OCA2: variants seen among roughly 807,000 people sequenced by gnomAD.
OCA2 encodes P protein.
Under a neutral mutation model 100.2 loss-of-function variants are expected in OCA2, and 77 were observed. The ratio of observed to expected loss-of-function variants is 0.77; its 90% CI spans 0.64 to 0.93. The LOEUF is 0.93. Ranked by LOEUF, OCA2 falls within the 40% of genes least tolerant of loss-of-function variation. The pLI is 0.00. For synonymous variants in OCA2, 432 were observed against 439.2 expected, an observed-to-expected ratio of 0.98 and a Z score of 0.21; for missense variants, 1,062 against 1,089.1, an observed-to-expected ratio of 0.98 and a Z score of 0.35.
At chr15:27,944,792 C>T (rs1365535873) in intron 18 of OCA2, among the ~76,000 whole-genome samples, 1 of 152,170 alleles carries the variant, frequency 6.6e-6, no homozygotes, top group East Asian at 1.9e-4. Flanking sequence ...ATCAGAGAGG[C>T]AGATTTCAGT....
intron 9 of OCA2, among the ~76,000 whole-genome samples, chr15:27,997,082 G>A (rs373096494): frequency 4.8e-5 from 6 of 124,372 alleles, no homozygotes; most frequent in Non-Finnish European, 8.1e-5. Context: ...GGGAGAAAGA[G>A]AGAGAAAGAA....
chr15:27,909,380 T>G lies in OCA2; in HGVS notation c.2079+16747A>C, dbSNP rs558334184. On this transcript the variant is annotated intron_variant, in intron 19 of 23. Coordinates refer to ENST00000354638, the MANE Select transcript of OCA2 (RefSeq NM_000275.3). The stretch of plus-strand genomic sequence containing the variant: ...TTGATCAAAAATGTCAGCAAGCTAT[T>G]TCATAATTGAGTTAGACAAGTTGAT... Among the ~76,000 whole-genome samples the G allele has an allele frequency of 3.3e-5, 5 of 152,276 alleles. No individual in the cohort carries two copies. The East Asian group carries it at 9.7e-4, about 29-fold the overall frequency.
intron 23 of OCA2, among the ~76,000 whole-genome samples, chr15:27,841,404 T>C (rs2035337169): frequency 6.6e-6 from 1 of 152,216 alleles, no homozygotes; most frequent in African/African-American, 2.4e-5. Flanking sequence ...CTGGCTATGA[T>C]CTTCTACTAT....
chr15:28,020,540 G>C (rs1033825158), intron 6 of OCA2, among the ~76,000 whole-genome samples: 1 of 152,140 alleles, frequency 6.6e-6, no homozygotes, highest in African/African-American at 2.4e-5. Flanking sequence ...GGCATGTCCT[G>C]GGAACTTCAT....
At chr15:27,902,580 C>T (rs2037994803) in intron 19 of OCA2, among the ~76,000 whole-genome samples, 1 of 152,182 alleles carries the variant, frequency 6.6e-6, no homozygotes, top group Non-Finnish European at 1.5e-5. Context: ...TCTCTGAGCA[C>T]GCACTGAATC....
intron 9 of OCA2, among the ~76,000 whole-genome samples, chr15:28,004,649 C>G (rs2042035202): frequency 6.6e-6 from 1 of 152,100 alleles, no homozygotes; most frequent in South Asian, 2.1e-4. Flanking sequence ...CATGGTCTGA[C>G]ACACACCCTC....
At position 27,957,715 on chromosome 15, in the gene OCA2, C is replaced by T. The variant is rs552418165; in HGVS notation, c.1657G>A (p.Val553Ile). The T allele has an allele frequency of 2.4e-5, 39 of 1,613,122 alleles. No homozygotes were observed. The highest frequency in any genetic ancestry group is 7.7e-5 in the South Asian group (7 of 91,088). The change falls in exon 16 of 24, where the codon GTC (valine) becomes ATC (isoleucine). Residue 553 changes from valine to isoleucine, a missense_variant. Transcript: ENST00000354638. This position sits in a 1 kb window ranked among gnomAD's most constrained non-coding sequence, Gnocchi z 4.3. Reference protein sequence around the residue: ...EIVELKHEIHVWRLTAQRISP... With the variant: ...EIVELKHEIHIWRLTAQRISP... ...ATGCGCTGAGCAGTCAGGCGCCAGA[C>T]GTGAATCTCGTGCTTCAGTTCTGCA... is the stretch of plus-strand genomic sequence containing the variant.
intron 2 of OCA2, among the ~76,000 whole-genome samples, chr15:28,058,964 G>T (rs557635721): frequency 6.6e-6 from 1 of 152,308 alleles, no homozygotes; most frequent in African/African-American, 2.4e-5. Flanking sequence ...CGCAGATGAG[G>T]ACAGCTCTGG....
chr15:27,792,788 T>C lies in OCA2; in HGVS notation c.2433-37316A>G, dbSNP rs113502928. Among the ~76,000 whole-genome samples the C allele has an allele frequency of 6.1e-3, 935 of 152,318 alleles. 17 individuals are homozygous for C. Among genetic ancestry groups the C allele is most frequent in the African/African-American group, 0.021 (869 of 41,582 alleles). Reference sequence around the variant, plus strand: ...GGGCCTAATTCGTCTCTGAGTCCCATGGCCCAATAAAACTTAGCTGAGTTC... The same window carrying C: ...GGGCCTAATTCGTCTCTGAGTCCCACGGCCCAATAAAACTTAGCTGAGTTC... On this transcript the variant is annotated intron_variant, in intron 23 of 23. Coordinates refer to ENST00000354638, the MANE Select transcript of OCA2 (RefSeq NM_000275.3).
chr15:28,076,772 G>A (rs577057980), intron 2 of OCA2, among the ~76,000 whole-genome samples: 2,700 of 149,300 alleles, frequency 0.018, 90 homozygotes, highest in African/African-American at 0.063. Flanking sequence ...GCGTGAACCC[G>A]GGAAGCGGAG....
Position 27,926,180 on chromosome 15 carries a change from T to C in OCA2, c.2026A>G (p.Arg676Gly). Residue 676 changes from arginine to glycine, a missense_variant, in exon 19 of 24, where the codon AGA becomes GGA. Arg to Gly is a moderately radical substitution (Grantham distance 125, BLOSUM62 -2). Transcript: ENST00000354638. ...AACAGAAGGGTTGCCCATTCCACTC[T>C]GTGTAGAATTATCTCAAAATCATGA... ...DIHDFEIILH[R>G]VEWATLLFFA... 6.2e-7 allele frequency: 1 copy of C among 1,614,134 alleles called. No homozygotes were observed. Among genetic ancestry groups the C allele is most frequent in the Non-Finnish European group, 8.5e-7 (1 of 1,179,976 alleles).
At chr15:28,097,339 GA>G (rs889854346) in intron 1 of OCA2, among the ~76,000 whole-genome samples, 5 of 152,236 alleles carry the variant, frequency 3.3e-5, no homozygotes, top group African/African-American at 1.2e-4. Context: ...GGAAACTGCG[GA>G]AACCCAACAA....
intron 19 of OCA2, among the ~76,000 whole-genome samples, chr15:27,920,939 C>T (rs1026537988): frequency 2.6e-5 from 4 of 151,466 alleles, no homozygotes; most frequent in African/African-American, 4.9e-5. Flanking sequence ...ACCTATGGGA[C>T]GCAATCAAGC....
intron 23 of OCA2, among the ~76,000 whole-genome samples, chr15:27,786,549 A>T (rs1478380319): frequency 4.6e-5 from 7 of 152,116 alleles, no homozygotes; most frequent in African/African-American, 1.7e-4. Flanking sequence ...ATACTATTGA[A>T]TAGAATTGTT....
chr15:27,962,786 T>C (rs1464698186), intron 15 of OCA2, among the ~76,000 whole-genome samples: 2 of 152,170 alleles, frequency 1.3e-5, no homozygotes, highest in East Asian at 3.9e-4. Context: ...AATAATATGA[T>C]GTTACACTTA....
At chr15:27,897,060 G>A (rs2037729022) in intron 19 of OCA2, among the ~76,000 whole-genome samples, 1 of 151,960 alleles carries the variant, frequency 6.6e-6, no homozygotes, top group Admixed American at 6.6e-5. Flanking sequence ...TGTGGTGGTG[G>A]GTGCCTGTAG....
the OCA2 span, among the ~76,000 whole-genome samples, chr15:27,723,735 G>A: frequency 1.3e-5 from 2 of 152,162 alleles, no homozygotes; most frequent in African/African-American, 4.8e-5. Context: ...CTGTCACAGC[G>A]ACTAAACCTG....
chr15:27,757,043 A>G (rs2030434528), intron 23 of OCA2, among the ~76,000 whole-genome samples: 1 of 152,190 alleles, frequency 6.6e-6, no homozygotes, highest in South Asian at 2.1e-4. Context: ...AGTCACTGTG[A>G]CACTCTCCAT....
intron 9 of OCA2, 74 bp from the exon 10 acceptor site, chr15:27,990,721 A>G (rs2041528789): frequency 7.9e-7 from 1 of 1,268,272 alleles, no homozygotes; most frequent in Non-Finnish European, 1.2e-6. Flanking sequence ...CTGTGTGGAC[A>G]TGAGGGGGTC....
Sources: allele counts gnomAD v4.1 joint callset (sites outside exome capture counted in the v4.1 genomes callset), GRCh38; gene constraint gnomAD v4.1.1; non-coding constraint Gnocchi (gnomAD v3.1); transcripts MANE v1.5; gene names NCBI Gene and HGNC (gene_info 2026-07-23, HGNC 2026-07-21).